NF1: variants seen among roughly 807,000 people sequenced by gnomAD.
NF1 encodes the protein neurofibromin 1.
Under a neutral mutation model 325.7 loss-of-function variants are expected in NF1, and 122 were observed. The observed-to-expected ratio is 0.37, with a 90% CI of 0.32 to 0.44. The LOEUF (loss-of-function observed/expected upper bound fraction) is 0.44. Ranked by LOEUF, NF1 falls within the 20% of genes least tolerant of loss-of-function variation. NF1 has a pLI of 1.00. For missense variants in NF1, 2,140 were observed against 3,415.4 expected, an observed-to-expected ratio of 0.63 and a Z score of 9.31; for synonymous variants, 1,091 against 1,186.0, an observed-to-expected ratio of 0.92 and a Z score of 1.65.
chr17:31,252,602 A>G (rs1032587831), intron 30 of NF1: 11 of 295,114 alleles, frequency 3.7e-5, no homozygotes, highest in African/African-American at 2.4e-4. Flanking sequence ...TGAATATTTT[A>G]TATTACATTT....
intron 29 of NF1, among the ~76,000 whole-genome samples, chr17:31,247,793 A>G (rs989942841): frequency 1.3e-5 from 2 of 152,220 alleles, no homozygotes; most frequent in Admixed American, 6.5e-5. Flanking sequence ...ACAATAGACT[A>G]TTATGCAGTA....
intron 48 of NF1, 35 bp from the exon 49 acceptor site, chr17:31,349,081 TCTTA>T (rs746039523): frequency 3.5e-5 from 54 of 1,549,674 alleles, no homozygotes; most frequent in African/African-American, 1.7e-4. Context: ...AAAAATTAAT[TCTTA>T]CTTGTTTGTT....
chr17:31,223,171 C>A (rs2066956344), intron 15 of NF1, among the ~76,000 whole-genome samples: 1 of 152,102 alleles, frequency 6.6e-6, no homozygotes, highest in Non-Finnish European at 1.5e-5. Context: ...ATGTCTACTA[C>A]AAGGATGAGA....
chr17:31,279,646 A>C (rs951431697), intron 36 of NF1, among the ~76,000 whole-genome samples: 2 of 152,030 alleles, frequency 1.3e-5, no homozygotes, highest in African/African-American at 4.8e-5. Flanking sequence ...ATGGATATGC[A>C]AAAAGACAGG....
intron 34 of NF1, among the ~76,000 whole-genome samples, chr17:31,261,033 A>G (rs2067677093): frequency 6.6e-6 from 1 of 152,156 alleles, no homozygotes; most frequent in African/African-American, 2.4e-5. Context: ...ACCTGAGGTC[A>G]GGAGTTCGAG....
intron 31 of NF1, chr17:31,253,877 A>G (rs1302416177): frequency 6.6e-6 from 1 of 152,184 alleles, no homozygotes; most frequent in Non-Finnish European, 1.5e-5. Context: ...AGATGTAAAG[A>G]AAACTAAGTA....
At chr17:31,342,535 C>G (rs1045475747) in intron 47 of NF1, among the ~76,000 whole-genome samples, 2 of 152,156 alleles carry the variant, frequency 1.3e-5, no homozygotes, top group Admixed American at 1.3e-4. Flanking sequence ...TTGCAGTGAG[C>G]CAAGGTGGTG....
At chr17:31,284,618 G>A (rs761991346) in intron 36 of NF1, among the ~76,000 whole-genome samples, 1 of 151,258 alleles carries the variant, frequency 6.6e-6, no homozygotes, top group Admixed American at 6.6e-5. Context: ...ACGGGGTTTC[G>A]CTATGTTGGC....
intron 1 of NF1, among the ~76,000 whole-genome samples, chr17:31,095,793 C>T (rs1157859314): frequency 1.3e-5 from 2 of 152,154 alleles, no homozygotes; most frequent in East Asian, 3.9e-4. Flanking sequence ...CCCTCCGTGA[C>T]CCTCCTAACT....
chr17:31,119,696 C>T (rs1597582509), intron 1 of NF1, among the ~76,000 whole-genome samples: 1 of 152,036 alleles, frequency 6.6e-6, no homozygotes, highest in Non-Finnish European at 1.5e-5. Context: ...TGCCTGTGTC[C>T]TGAATGGTAT....
chr17:31,268,881 T>A (rs564999904), intron 36 of NF1, among the ~76,000 whole-genome samples: 82 of 151,996 alleles, frequency 5.4e-4, no homozygotes, highest in Admixed American at 2.7e-3. Context: ...TATTATTATT[T>A]TTTTTGTAGA....
intron 5 of NF1, among the ~76,000 whole-genome samples, chr17:31,172,898 C>T (rs2065954547): frequency 6.6e-6 from 1 of 151,986 alleles, no homozygotes; most frequent in African/African-American, 2.4e-5. Context: ...CTTGGTTATG[C>T]AGTAATATAA....
Position 31,258,567 on chromosome 17 carries a change from A to G in NF1, c.4332+65A>G, listed in dbSNP as rs567613467. 6.6e-5 allele frequency: 98 copies of G among 1,491,456 alleles called. No individual in the cohort carries two copies. The South Asian group carries it at 9.8e-4, about 15-fold the overall frequency. The allele number at this position is 1,491,456 out of a possible 1,614,324, so 92.4% of individuals were successfully genotyped here. On this transcript the variant is annotated intron_variant, in intron 32 of 57. Transcript: ENST00000358273. The stretch of plus-strand genomic sequence containing the variant: ...TCCAACTAAATTTTCAGCTTTTCTT[A>G]CAGTACTTCCTCTTACATTTATATT...
intron 7 of NF1, 56 bp downstream of exon 7, chr17:31,181,841 C>T (rs754834073): frequency 1.7e-6 from 2 of 1,173,080 alleles, no homozygotes; most frequent in Non-Finnish European, 2.5e-6. Flanking sequence ...CTACTTGTGA[C>T]ATAAAAACCT....
intron 1 of NF1, among the ~76,000 whole-genome samples, chr17:31,122,558 T>C (rs1164333335): frequency 2.0e-5 from 3 of 152,214 alleles, no homozygotes; most frequent in African/African-American, 4.8e-5. Context: ...TTGTTTTATT[T>C]TGCTTGAATG....
rs371047262 is a variant in NF1, at chr17:31,232,043, ATT to A, written c.3198-5_3198-4del. On this transcript the variant is annotated intron_variant, in intron 24 of 57. Coordinates refer to ENST00000358273, the MANE Select transcript of NF1 (RefSeq NM_001042492.3). ...AACTTGAAAGATTCATGGTCTCTAA[ATT>A]TTTTTTTTTTTTTTTTTTTTTTTTC... 1.0e-2 allele frequency: 5,813 copies of A among 584,198 alleles called. 4 individuals are homozygous for A. The highest frequency in any genetic ancestry group is 0.029 in the African/African-American group (948 of 32,416). The allele number at this position is 584,198 out of a possible 1,614,324, so 36.2% of individuals were successfully genotyped here. A position where few individuals can be genotyped will look rare whatever the true frequency, so the allele number is the denominator to read the frequency against.
At chr17:31,264,047 C>T (rs1316817540) in intron 35 of NF1, among the ~76,000 whole-genome samples, 1 of 152,120 alleles carries the variant, frequency 6.6e-6, no homozygotes, top group Non-Finnish European at 1.5e-5. Context: ...CTAATGCAAT[C>T]TCTTCCCAAG....
chr17:31,212,577 G>T (rs1217822118), intron 12 of NF1, among the ~76,000 whole-genome samples: 3 of 152,260 alleles, frequency 2.0e-5, no homozygotes, highest in East Asian at 3.9e-4. Context: ...GGGCGTGGTG[G>T]TGCATGCCTG....
chr17:31,143,387 C>G (rs1325759855), intron 1 of NF1, among the ~76,000 whole-genome samples: 1 of 152,060 alleles, frequency 6.6e-6, no homozygotes, highest in Non-Finnish European at 1.5e-5. Context: ...CCACCTCAGC[C>G]TCCCAAGTAG....
Sources: gnomAD v4.1 joint callset for allele counts (sites outside exome capture counted in the v4.1 genomes callset) on GRCh38, gnomAD v4.1.1 for gene constraint, MANE v1.5 for transcripts, NCBI Gene and HGNC (gene_info 2026-07-23, HGNC 2026-07-21) for gene names.